Variants in AGTRAP observed in about 807,000 individuals in gnomAD.
AGTRAP encodes the protein type-1 angiotensin II receptor-associated protein.
Under a neutral mutation model 15.2 loss-of-function variants are expected in AGTRAP, and 7 were observed. The ratio of observed to expected loss-of-function variants is 0.46; its 90% CI spans 0.26 to 0.87. The LOEUF (loss-of-function observed/expected upper bound fraction) is 0.87. Ranked by LOEUF, AGTRAP falls within the 40% of genes least tolerant of loss-of-function variation. The probability of loss-of-function intolerance (pLI) is 0.15; values close to 1 mark genes in which losing one functional copy is unlikely to be tolerated. For synonymous variants in AGTRAP, 74 were observed against 89.6 expected (o/e 0.83, Z 0.98); for missense variants, 187 against 213.4 (o/e 0.88, Z 0.77).
At chr1:11,747,644 T>C (rs1284556220) in intron 3 of AGTRAP, 99 bp downstream of exon 3, 17 of 1,266,748 alleles carry the variant, frequency 1.3e-5, no homozygotes, top group Non-Finnish European at 4.5e-6. Context: ...ATCTTCCCCC[T>C]CTTCCTTGGG....
chr1:11,746,272 G>A (rs1438114335), intron 2 of AGTRAP: 7 of 1,471,282 alleles, frequency 4.8e-6, no homozygotes, highest in Non-Finnish European at 6.5e-6. Flanking sequence ...TTGAGAAGCA[G>A]GGCCAAAATA....
chr1:11,743,507 C>T (rs1427257699), intron 1 of AGTRAP, among the ~76,000 whole-genome samples: 2 of 151,832 alleles, frequency 1.3e-5, no homozygotes, highest in South Asian at 4.2e-4. Context: ...TGGCCTCCCA[C>T]AGTGCTGGGA....
intron 2 of AGTRAP, 81 bp from the exon 3 acceptor site, chr1:11,747,359 G>T (rs1642186964): frequency 1.6e-6 from 2 of 1,279,214 alleles, no homozygotes; most frequent in Admixed American, 3.4e-5. Context: ...TCTGGGAGGA[G>T]GCCCTGAGAC....
chr1:11,748,546 G>A lies in AGTRAP; in HGVS notation c.300G>A (p.Pro100=), dbSNP rs760044981. ...GMAILSLLLK[P]LSCCFVYHMY... is the part of the protein sequence containing the mutation. ...CCATCCTCAGCTTGCTGCTCAAGCCGCTCTCCTGCTGCTTCGTCTACCACA... is the reference window on the plus strand; with the variant it reads ...CCATCCTCAGCTTGCTGCTCAAGCCACTCTCCTGCTGCTTCGTCTACCACA... The change falls in exon 4 of 5, where the codon CCG becomes CCA. Residue 100 remains proline, a synonymous_variant. Coordinates refer to ENST00000314340, the MANE Select transcript of AGTRAP (RefSeq NM_020350.5). 27 of 1,612,168 alleles carry A rather than the reference G, an allele frequency of 1.7e-5. No individual in the cohort carries two copies. The highest frequency in any genetic ancestry group is 9.3e-5 in the African/African-American group (7 of 74,932).
At chr1:11,736,906 C>G (rs375674206) in intron 1 of AGTRAP, among the ~76,000 whole-genome samples, 1 of 152,206 alleles carries the variant, frequency 6.6e-6, no homozygotes, top group Non-Finnish European at 1.5e-5. Context: ...TTCTTTTTCT[C>G]CCCGCCCAGC....
rs923743891 is a variant in AGTRAP, at chr1:11,736,195, C to T, written c.-14C>T. On this transcript the variant is annotated 5_prime_UTR_variant, in exon 1 of 5. Transcript: ENST00000314340. ...CCCGCGGCTGCGGCGCAGGTGCCCT[C>T]GGCCTGAGTCGGGATGGAGCTGCCT... 6.2e-7 allele frequency: 1 copy of T among 1,602,894 alleles called. No homozygotes were observed. The highest frequency in any genetic ancestry group is 1.7e-5 in the Admixed American group (1 of 58,006).
At chr1:11,749,852 G>A (rs1642270147) in intron 4 of AGTRAP, among the ~76,000 whole-genome samples, 2 of 152,114 alleles carry the variant, frequency 1.3e-5, no homozygotes, top group Non-Finnish European at 2.9e-5. Context: ...CTCCTCATCT[G>A]TAAAGTGGGG....
intron 2 of AGTRAP, chr1:11,746,548 C>T (rs541756962): frequency 4.0e-6 from 1 of 248,210 alleles, no homozygotes; most frequent in Non-Finnish European, 8.0e-6. Flanking sequence ...GTCCCTGTCC[C>T]CCTGAGTCTT....
chr1:11,744,030 C>T (rs1204284285), intron 1 of AGTRAP, among the ~76,000 whole-genome samples: 3 of 152,168 alleles, frequency 2.0e-5, no homozygotes, highest in Non-Finnish European at 4.4e-5. Context: ...AATCCCAGCA[C>T]TTTGGGAGAC....
chr1:11,748,566 A>G lies in AGTRAP; in HGVS notation c.320A>G (p.Tyr107Cys), dbSNP rs1318281460. The change falls in exon 4 of 5, where the codon TAC (tyrosine) becomes TGC (cysteine). Residue 107 changes from tyrosine (Y) to cysteine (C), a missense_variant. By Grantham distance (194) the Tyr-to-Cys change is radical (BLOSUM62 -2). Transcript: ENST00000314340. ...AAGCCGCTCTCCTGCTGCTTCGTCT[A>G]CCACATGTACCGGGAGCGCGGGGGT... ...LLKPLSCCFV[Y>C]HMYRERGGEL... 1.2e-6 allele frequency: 2 copies of G among 1,611,104 alleles called. No individual in the cohort carries two copies. Among genetic ancestry groups the G allele is most frequent in the African/African-American group, 1.3e-5 (1 of 74,860 alleles).
intron 1 of AGTRAP, among the ~76,000 whole-genome samples, chr1:11,739,532 A>G (rs1235753402): frequency 6.6e-6 from 1 of 152,170 alleles, no homozygotes; most frequent in Non-Finnish European, 1.5e-5. Context: ...AGCCTGGGCG[A>G]CAGAGCAAGA....
intron 2 of AGTRAP, chr1:11,746,231 A>G: frequency 6.3e-7 from 1 of 1,597,522 alleles, no homozygotes; most frequent in South Asian, 1.1e-5. Context: ...GCTGTGAGTA[A>G]TGTGAACTGT....
At chr1:11,744,447 T>A (rs560708732) in intron 1 of AGTRAP, 2 of 682,150 alleles carry the variant, frequency 2.9e-6, no homozygotes, top group Admixed American at 4.3e-5. Context: ...CCCGAGGCCC[T>A]CAGGCCCCCC....
chr1:11,750,484 C>G lies in AGTRAP; in HGVS notation c.*292C>G. On this transcript the variant is annotated 3_prime_UTR_variant, in exon 5 of 5. Transcript: ENST00000314340. ...TGGTGGCACCACAGAGGCCCTCAGC[C>G]GAGTCCTGCCTGAGTGTTGCAAGCT... 3.4e-6 allele frequency: 2 copies of G among 589,918 alleles called. No homozygotes were observed. Among genetic ancestry groups the G allele is most frequent in the Non-Finnish European group, 6.0e-6 (2 of 330,896 alleles). The allele number at this position is 589,918 out of a possible 1,614,324, so 36.5% of individuals were successfully genotyped here.
intron 1 of AGTRAP, among the ~76,000 whole-genome samples, chr1:11,739,118 T>G (rs923116208): frequency 6.6e-6 from 1 of 152,142 alleles, no homozygotes; most frequent in African/African-American, 2.4e-5. Context: ...AGGTCTTGAG[T>G]AGGTTTCTGT....
intron 1 of AGTRAP, among the ~76,000 whole-genome samples, chr1:11,737,177 T>C (rs17875913): frequency 0.17 from 26,026 of 152,220 alleles, 3,104 homozygotes; most frequent in East Asian, 0.55. Context: ...ACAACATCTG[T>C]GCTATGACTT....
chr1:11,739,365 A>T (rs1410007103), intron 1 of AGTRAP, among the ~76,000 whole-genome samples: 1 of 152,134 alleles, frequency 6.6e-6, no homozygotes, highest in South Asian at 2.1e-4. Context: ...AGCCTGGCCA[A>T]CATGATGTAA....
At position 11,745,358 on chromosome 1, in the gene AGTRAP, G is replaced by A. The variant is rs780511154; in HGVS notation, c.28-445G>A. ...ATCTTGATTTGGGTGGGTTTTAGCC[G>A]GCTTCTTTACTGTAACCCGTTTTGT... On this transcript the variant is annotated intron_variant, in intron 1 of 4. Transcript: ENST00000314340. This position sits in a 1 kb window ranked among gnomAD's most constrained non-coding sequence, Gnocchi z 4.2. Among the ~76,000 whole-genome samples the A allele has an allele frequency of 6.6e-6, 1 of 152,134 alleles. No homozygotes were observed. Among genetic ancestry groups the A allele is most frequent in the Non-Finnish European group, 1.5e-5 (1 of 68,024 alleles).
chr1:11,744,452 C>T (rs1427872166), intron 1 of AGTRAP: 3 of 687,192 alleles, frequency 4.4e-6, no homozygotes, highest in African/African-American at 1.8e-5. Flanking sequence ...GGCCCTCAGG[C>T]CCCCCTACCT....
Sources: allele counts gnomAD v4.1 joint callset (sites outside exome capture counted in the v4.1 genomes callset), GRCh38; gene constraint gnomAD v4.1.1; non-coding constraint Gnocchi (gnomAD v3.1); transcripts MANE v1.5; gene names NCBI Gene and HGNC (gene_info 2026-07-23, HGNC 2026-07-21).